KRT8: variants seen among roughly 807,000 people sequenced by gnomAD.
KRT8 encodes the protein keratin, type II cytoskeletal 8.
A neutral mutation model predicts 43.0 loss-of-function variants in KRT8; 24 were observed. The observed-to-expected ratio is 0.56, with a 90% CI of 0.40 to 0.78. The LOEUF is 0.78. KRT8 is among the 30% of genes least tolerant of loss of function. The probability of loss-of-function intolerance (pLI) is 0.00; values close to 1 mark genes in which losing one functional copy is unlikely to be tolerated. For missense variants in KRT8, 492 were observed against 638.4 expected (o/e 0.77, Z 2.47); for synonymous variants, 214 against 261.2 (o/e 0.82, Z 1.74).
At chr12:52,945,765 C>T (rs949710970) in intron 2 of KRT8, among the ~76,000 whole-genome samples, 6 of 152,104 alleles carry the variant, frequency 3.9e-5, no homozygotes, top group African/African-American at 1.2e-4. Flanking sequence ...TCCCCCCTGC[C>T]GAGGCTCATT....
chr12:52,941,708 G>A (rs1022778474), intron 2 of KRT8, among the ~76,000 whole-genome samples: 8 of 151,834 alleles, frequency 5.3e-5, no homozygotes, highest in East Asian at 1.9e-4. Context: ...GGCTGGTCTC[G>A]AACTCCCAAC....
chr12:52,906,096 C>T (rs755828393), upstream of KRT8, among the ~76,000 whole-genome samples: 2 of 152,228 alleles, frequency 1.3e-5, no homozygotes, highest in East Asian at 1.9e-4. Context: ...AAAAAAAGAG[C>T]GAGATCCAAC....
exon 1 of KRT8, chr12:52,904,969 C>G: frequency 6.2e-7 from 1 of 1,610,026 alleles, no homozygotes; most frequent in Non-Finnish European, 8.5e-7. Context: ...TTCTGGGTCA[C>G]CCTGATGGAC....
chr12:52,947,396 T>G (rs758030896), intron 2 of KRT8: 2 of 152,306 alleles, frequency 1.3e-5, no homozygotes, highest in Non-Finnish European at 2.9e-5. Flanking sequence ...CCACCAGGGC[T>G]GGGTCGCTGC....
At position 52,901,888 on chromosome 12, in the gene KRT8, C is replaced by T. The variant is rs758836305; in HGVS notation, c.509G>A (p.Gly170Glu). ...CTTGTTCTTGAAGTCCTCCACCAGC[C>T]CCTGCATGTTGCCAAGCTCCGCCTC... The change falls in exon 2 of 8, where the codon GGG becomes GAG. Residue 170 changes from glycine (G) to glutamate (E), a missense_variant. Around this residue, in one of 3 missense-constraint regions of KRT8, gnomAD observed 389 missense variants for 485.7 expected, o/e 0.80. Transcript: ENST00000692008. The T allele has an allele frequency of 1.9e-6, 3 of 1,611,334 alleles. No homozygotes were observed. The East Asian group carries it at 6.7e-5, about 36-fold the overall frequency.
intron 1 of KRT8, among the ~76,000 whole-genome samples, chr12:52,902,811 A>C (rs1209633554): frequency 6.6e-6 from 1 of 151,992 alleles, no homozygotes; most frequent in African/African-American, 2.4e-5. Flanking sequence ...CAGGAGTTCG[A>C]GACCAGCCTG....
chr12:52,938,172 T>G (rs376476684), intron 2 of KRT8, among the ~76,000 whole-genome samples: 583 of 22,364 alleles, frequency 0.026, 28 homozygotes, highest in African/African-American at 0.093. Flanking sequence ...ATATATATAT[T>G]TTTTTTTTTT....
intron 2 of KRT8, among the ~76,000 whole-genome samples, chr12:52,916,337 A>G (rs1319108551): frequency 6.6e-6 from 1 of 152,116 alleles, no homozygotes; most frequent in African/African-American, 2.4e-5. Flanking sequence ...ATAGGGATGG[A>G]CTCAAGCTAG....
intron 2 of KRT8, among the ~76,000 whole-genome samples, chr12:52,930,570 C>G (rs1942067071): frequency 6.6e-6 from 1 of 151,400 alleles, no homozygotes; most frequent in African/African-American, 2.4e-5. Context: ...TTCTTTTTTT[C>G]CTTTTTTTGA....
chr12:52,926,582 G>T, intron 2 of KRT8: 2 of 835,442 alleles, frequency 2.4e-6, no homozygotes, highest in South Asian at 1.7e-5. Flanking sequence ...CCTGGGCTGG[G>T]TTACACTTGC....
At chr12:52,920,584 C>T (rs1004309526) in intron 2 of KRT8, among the ~76,000 whole-genome samples, 7 of 152,006 alleles carry the variant, frequency 4.6e-5, no homozygotes, top group African/African-American at 1.4e-4. Flanking sequence ...GCAACAAGAG[C>T]GAAACTCCAT....
chr12:52,905,080 C>T, upstream of KRT8: 2 of 1,490,186 alleles, frequency 1.3e-6, no homozygotes, highest in Non-Finnish European at 1.8e-6. Flanking sequence ...CAGGAATGGC[C>T]TTTTATAAAA....
At chr12:52,911,257 C>T (rs1199342304), upstream of KRT8, among the ~76,000 whole-genome samples, 1 of 152,004 alleles carries the variant, frequency 6.6e-6, no homozygotes, top group Non-Finnish European at 1.5e-5. Flanking sequence ...GAGACTGAGG[C>T]AGAAGAATCG....
At chr12:52,916,714 C>T (rs1941747725) in intron 2 of KRT8, among the ~76,000 whole-genome samples, 1 of 152,212 alleles carries the variant, frequency 6.6e-6, no homozygotes, top group South Asian at 2.1e-4. Context: ...CTGGTAACAG[C>T]ACGATGAGGC....
At chr12:52,904,947 A>G (rs1389976717) in exon 1 of KRT8, 1 of 1,611,768 alleles carries the variant, frequency 6.2e-7, no homozygotes, top group East Asian at 2.2e-5. Flanking sequence ...AGAGGTGGAC[A>G]CCTTGTAGGA....
intron 2 of KRT8, among the ~76,000 whole-genome samples, chr12:52,922,380 A>G (rs1461920440): frequency 6.6e-6 from 1 of 151,876 alleles, no homozygotes; most frequent in Admixed American, 6.6e-5. Flanking sequence ...TCACAATTAA[A>G]TCTATGAGGA....
intron 2 of KRT8, among the ~76,000 whole-genome samples, chr12:52,940,395 T>TG (rs1176120119): frequency 2.2e-5 from 3 of 137,146 alleles, no homozygotes; most frequent in African/African-American, 8.4e-5. Context: ...ATCATGCCAC[T>TG]GCACTCCAGC....
intron 1 of KRT8, 89 bp from the exon 2 acceptor site, chr12:52,902,161 C>T (rs1468263520): frequency 6.1e-6 from 5 of 814,506 alleles, no homozygotes; most frequent in East Asian, 2.6e-5. Flanking sequence ...TCTTAATTCA[C>T]TCCTCAAGCA....
At chr12:52,901,161 T>C in exon 3 of KRT8, 1 of 1,605,526 alleles carries the variant, frequency 6.2e-7, no homozygotes, top group Non-Finnish European at 8.5e-7. Context: ...TCCCTCACCT[T>C]CTTGATGAGG....
Sources: allele counts gnomAD v4.1 joint callset (sites outside exome capture counted in the v4.1 genomes callset), GRCh38; gene constraint gnomAD v4.1.1; regional missense constraint gnomAD v4.1.1; transcripts MANE v1.5; gene names NCBI Gene and HGNC (gene_info 2026-07-23, HGNC 2026-07-21).